MAN2B2: variants seen among roughly 807,000 people sequenced by gnomAD.
MAN2B2 encodes the protein epididymis-specific alpha-mannosidase.
Under a neutral mutation model 117.1 loss-of-function variants are expected in MAN2B2, and 106 were observed. That is an observed-to-expected ratio of 0.90 (90% confidence interval 0.77 to 1.06). The LOEUF is 1.06. Among genes scored for constraint, MAN2B2 ranks in the 50% least tolerant of loss-of-function variants. The pLI is 0.00. For missense variants in MAN2B2, 1,326 were observed against 1,381.4 expected (o/e 0.96, Z 0.64); for synonymous variants, 544 against 595.1 (o/e 0.91, Z 1.25).
chr4:6,609,466 G>A (rs1014455239), intron 12 of MAN2B2, 168 bp downstream of exon 12: 14 of 705,070 alleles, frequency 2.0e-5, no homozygotes, highest in East Asian at 1.1e-4. Flanking sequence ...TGCTGGCTGC[G>A]TTTGCGTGTG....
rs918793700 is a variant in MAN2B2, at chr4:6,619,860, G to A, written c.2815-67G>A. The A allele has an allele frequency of 1.9e-5, 28 of 1,448,326 alleles. No homozygotes were observed. The African/African-American group carries it at 3.3e-4, about 17-fold the overall frequency. The allele number at this position is 1,448,326 out of a possible 1,614,324, so 89.7% of individuals were successfully genotyped here. Reference sequence around the variant, plus strand: ...TTCGTGGTGTGTCTGCCCTGCTGCTGTCTTGGTTCTCTGCTCAGCTCTGGA... The same window carrying A: ...TTCGTGGTGTGTCTGCCCTGCTGCTATCTTGGTTCTCTGCTCAGCTCTGGA... On this transcript the variant is annotated intron_variant, in intron 17 of 18. Coordinates refer to ENST00000285599, the MANE Select transcript of MAN2B2 (RefSeq NM_015274.3).
At chr4:6,611,312 C>T (rs571054371) in intron 15 of MAN2B2, 34 bp downstream of exon 15, 9 of 1,562,088 alleles carry the variant, frequency 5.8e-6, no homozygotes, top group Non-Finnish European at 6.9e-6. Context: ...AACATCATCA[C>T]TGCCTCAGCA....
chr4:6,589,208 G>T (rs768219153), intron 5 of MAN2B2, 48 bp downstream of exon 5: 1 of 1,397,982 alleles, frequency 7.2e-7, no homozygotes, highest in Admixed American at 1.7e-5. Flanking sequence ...AGCAGGGTCT[G>T]CCCAGCCCCT....
chr4:6,582,622 G>C (rs1726479825), intron 3 of MAN2B2, among the ~76,000 whole-genome samples: 1 of 151,834 alleles, frequency 6.6e-6, no homozygotes, highest in South Asian at 2.1e-4. Flanking sequence ...TTACAGACCT[G>C]AGCCACCAAG....
At chr4:6,577,962 A>G (rs962024388) in intron 2 of MAN2B2, among the ~76,000 whole-genome samples, 14 of 152,214 alleles carry the variant, frequency 9.2e-5, no homozygotes, top group South Asian at 6.2e-4. Context: ...GGCACAGCCT[A>G]TAAACAGCTG....
intron 3 of MAN2B2, 57 bp downstream of exon 3, chr4:6,578,555 C>T (rs1461297706): frequency 2.7e-5 from 39 of 1,456,558 alleles, no homozygotes; most frequent in South Asian, 8.3e-5. Flanking sequence ...GGGGCTGGGA[C>T]ATGGTATCAG....
At chr4:6,581,309 A>T (rs1214924529) in intron 3 of MAN2B2, among the ~76,000 whole-genome samples, 2 of 152,144 alleles carry the variant, frequency 1.3e-5, no homozygotes. Context: ...TAGTTGCCTC[A>T]GAACAGCCTG....
chr4:6,606,118 G>C (rs1356993408), intron 11 of MAN2B2, among the ~76,000 whole-genome samples: 2 of 152,166 alleles, frequency 1.3e-5, no homozygotes, highest in Non-Finnish European at 2.9e-5. Context: ...AGGGGTACAT[G>C]GCAGAAAGTG....
At chr4:6,617,846 AGT>A (rs1491372150) in intron 17 of MAN2B2, 1,202 of 108,142 alleles carry the variant, frequency 0.011, 3 homozygotes, top group South Asian at 0.045. Flanking sequence ...ACGATGGCTA[AGT>A]TTTTTTTTTT....
intron 1 of MAN2B2, 52 bp downstream of exon 1, chr4:6,575,400 C>T (rs1726017251): frequency 2.9e-6 from 4 of 1,376,156 alleles, no homozygotes; most frequent in East Asian, 2.8e-5. Context: ...TTCCCTCTCC[C>T]CGCGGGATCT....
At chr4:6,590,092 C>T (rs1297413779) in intron 5 of MAN2B2, among the ~76,000 whole-genome samples, 2 of 151,116 alleles carry the variant, frequency 1.3e-5, no homozygotes, top group Non-Finnish European at 2.9e-5. Context: ...AAAAAATAGG[C>T]CGGGCACAGT....
chr4:6,616,877 G>A (rs1189126428), intron 16 of MAN2B2, among the ~76,000 whole-genome samples: 1 of 152,116 alleles, frequency 6.6e-6, no homozygotes, highest in Non-Finnish European at 1.5e-5. Context: ...GTCGAGTGGG[G>A]GCCATGTCAG....
At chr4:6,599,200 C>T (rs1195378308) in intron 9 of MAN2B2, among the ~76,000 whole-genome samples, 5 of 152,128 alleles carry the variant, frequency 3.3e-5, no homozygotes, top group African/African-American at 7.2e-5. Context: ...TGGGCTTGAG[C>T]GATCCTCCTG....
chr4:6,591,149 A>G (rs550080247), intron 5 of MAN2B2, among the ~76,000 whole-genome samples: 3 of 151,960 alleles, frequency 2.0e-5, no homozygotes, highest in South Asian at 2.1e-4. Context: ...CTATCTCAAA[A>G]CAAAAAAAAA....
intron 16 of MAN2B2, 67 bp downstream of exon 16, chr4:6,614,422 C>T (rs926364742): frequency 1.3e-6 from 2 of 1,569,206 alleles, no homozygotes; most frequent in South Asian, 1.1e-5. Context: ...CCACCGGGCC[C>T]ACCACCAGAC....
chr4:6,604,246 CA>C (rs1727444877), intron 10 of MAN2B2, among the ~76,000 whole-genome samples: 1 of 152,154 alleles, frequency 6.6e-6, no homozygotes, highest in Admixed American at 6.5e-5. Flanking sequence ...TCCCCAGTTG[CA>C]GCAGACAAGA....
chr4:6,609,778 G>C lies in MAN2B2; in HGVS notation c.2007-20G>C. 6.3e-7 allele frequency: 1 copy of C among 1,597,852 alleles called. No homozygotes were observed. Among genetic ancestry groups the C allele is most frequent in the Admixed American group, 1.7e-5 (1 of 59,522 alleles). On this transcript the variant is annotated intron_variant, in intron 12 of 18. Coordinates refer to ENST00000285599, the MANE Select transcript of MAN2B2 (RefSeq NM_015274.3). ...GAAGGTTCCTGGAGCTTCACTTACT[G>C]ATGCTCCCTTCTCCTCCAGGAACAT... is the stretch of plus-strand genomic sequence containing the variant.
rs1577295645 is a variant in MAN2B2, at chr4:6,614,135, G to A, written c.2564-83G>A. 9.8e-6 allele frequency: 15 copies of A among 1,524,304 alleles called. No homozygotes were observed. The East Asian group carries it at 1.6e-4, about 16-fold the overall frequency. 94.4% of individuals were successfully genotyped at this position (1,524,304 alleles called of 1,614,324 possible). A position where few individuals can be genotyped will look rare whatever the true frequency, so the allele number is the denominator to read the frequency against. On this transcript the variant is annotated intron_variant, in intron 15 of 18. Coordinates refer to ENST00000285599, the MANE Select transcript of MAN2B2 (RefSeq NM_015274.3). ...TGGGAAGTGGCTGGCAGGGGCAGGG[G>A]CATGTAATGTGCAGAGCTCTGAGTG...
chr4:6,598,504 T>C, intron 9 of MAN2B2, 150 bp downstream of exon 9: 1 of 810,554 alleles, frequency 1.2e-6, no homozygotes, highest in Non-Finnish European at 1.9e-6. Context: ...GACAGGTGGC[T>C]TCAGTCCTCC....
Sources: allele counts gnomAD v4.1 joint callset (sites outside exome capture counted in the v4.1 genomes callset), GRCh38; gene constraint gnomAD v4.1.1; transcripts MANE v1.5; gene names NCBI Gene and HGNC (gene_info 2026-07-23, HGNC 2026-07-21).